UNC5D: variants seen among roughly 807,000 people sequenced by gnomAD.
UNC5D encodes netrin receptor UNC5D.
UNC5D carries 39 observed loss-of-function variants against 105.4 expected under a neutral mutation model. The ratio of observed to expected loss-of-function variants is 0.37; its 90% CI spans 0.29 to 0.48. The LOEUF (loss-of-function observed/expected upper bound fraction) is 0.48, where lower values mean the gene tolerates loss of function less well. UNC5D is among the 20% of genes least tolerant of loss of function. UNC5D has a pLI of 0.98. For synonymous variants in UNC5D, 452 were observed against 450.4 expected (o/e 1.00, Z -0.04); for missense variants, 991 against 1,202.4 (o/e 0.82, Z 2.60).
chr8:35,569,050 TA>T (rs34277362), intron 3 of UNC5D, among the ~76,000 whole-genome samples: 43,958 of 118,718 alleles, frequency 0.37, 6,723 homozygotes, highest in South Asian at 0.4. Context: ...CAAGTAGGAC[TA>T]AAAAAAAAAA....
chr8:35,641,382 A>G (rs530697458), intron 4 of UNC5D, among the ~76,000 whole-genome samples: 49 of 150,668 alleles, frequency 3.3e-4, no homozygotes, highest in East Asian at 2.9e-3. Context: ...AAAAAAAAAA[A>G]AAAGAAAAAA....
intron 1 of UNC5D, among the ~76,000 whole-genome samples, chr8:35,442,908 A>T (rs867122813): frequency 0.13 from 13,190 of 101,940 alleles, 572 homozygotes; most frequent in African/African-American, 0.18. Flanking sequence ...TCTCTCTCAC[A>T]CACACACACA....
At chr8:35,447,009 C>T (rs189366629) in intron 1 of UNC5D, among the ~76,000 whole-genome samples, 120 of 152,148 alleles carry the variant, frequency 7.9e-4, no homozygotes, top group South Asian at 2.3e-3. Flanking sequence ...CTCCCATCAC[C>T]ACCACCACCA....
chr8:35,427,971 CA>C (rs1253308725), intron 1 of UNC5D, among the ~76,000 whole-genome samples: 1 of 152,084 alleles, frequency 6.6e-6, no homozygotes, highest in African/African-American at 2.4e-5. Context: ...AAACACTTTT[CA>C]ATAACAAAGT....
At chr8:35,288,749 G>T (rs893066097) in intron 1 of UNC5D, among the ~76,000 whole-genome samples, 1 of 152,124 alleles carries the variant, frequency 6.6e-6, no homozygotes, top group African/African-American at 2.4e-5. Context: ...GTTTTTATAT[G>T]CATGTAAAGG....
chr8:35,290,844 A>G (rs996891855), intron 1 of UNC5D, among the ~76,000 whole-genome samples: 3 of 151,246 alleles, frequency 2.0e-5, no homozygotes, highest in Admixed American at 1.3e-4. Flanking sequence ...GCTACTCAGG[A>G]GGCTGAGGCA....
Position 35,237,045 on chromosome 8 carries a change from C to T in UNC5D, c.103+1158C>T, listed in dbSNP as rs149645774. ...ACGATCACAAAAGAACCAATGTTAT[C>T]TCATTTTTATAAAAGCTTATGGCGT... On this transcript the variant is annotated intron_variant, in intron 1 of 16. Transcript: ENST00000404895. 2.7e-3 allele frequency among the ~76,000 whole-genome samples: 405 copies of T among 152,196 alleles called. 1 individual carries two copies. Among genetic ancestry groups the T allele is most frequent in the Middle Eastern group, 0.01 (3 of 294 alleles).
intron 14 of UNC5D, among the ~76,000 whole-genome samples, chr8:35,766,297 C>T (rs1801761818): frequency 2.0e-5 from 3 of 151,888 alleles, no homozygotes; most frequent in Non-Finnish European, 4.4e-5. Flanking sequence ...TGGGGTGGCC[C>T]TGTATGTGTC....
At chr8:35,647,787 G>A (rs781404085) in intron 4 of UNC5D, among the ~76,000 whole-genome samples, 22 of 152,078 alleles carry the variant, frequency 1.4e-4, no homozygotes, top group Admixed American at 2.6e-4. Flanking sequence ...GTGGTTTTGG[G>A]CTTCTTTTAT....
chr8:35,253,665 T>A (rs960975965), intron 1 of UNC5D, among the ~76,000 whole-genome samples: 3 of 151,822 alleles, frequency 2.0e-5, no homozygotes, highest in East Asian at 1.9e-4. Flanking sequence ...TTTTTGTATT[T>A]TTTTTAGTAG....
chr8:35,687,229 G>T (rs113527322), intron 7 of UNC5D, among the ~76,000 whole-genome samples: 3 of 152,152 alleles, frequency 2.0e-5, no homozygotes, highest in African/African-American at 7.2e-5. Flanking sequence ...GGATCGCGAG[G>T]TCAGGAGATC....
In UNC5D at chr8:35,726,337, G is replaced by A. The variant is rs1411633498; in HGVS notation, c.1489G>A (p.Glu497Lys). 5.6e-6 allele frequency: 9 copies of A among 1,613,972 alleles called. No homozygotes were observed. Among genetic ancestry groups the A allele is most frequent in the Non-Finnish European group, 7.6e-6 (9 of 1,180,024 alleles). The change falls in exon 10 of 17, where the codon GAG becomes AAG. Residue 497 changes from glutamate to lysine, a missense_variant. Physicochemically the swap from Glu to Lys is moderately conservative, Grantham distance 56. Coordinates refer to ENST00000404895, the MANE Select transcript of UNC5D (RefSeq NM_080872.4). ...GTTCATGGTTTCCCTGGGAGTGTCT[G>A]AGAGAGCTGAGTACCACGGCAAGAA... ...SSFMVSLGVS[E>K]RAEYHGKNHS...
chr8:35,740,291 T>C (rs1051617465), intron 11 of UNC5D, among the ~76,000 whole-genome samples: 1 of 152,186 alleles, frequency 6.6e-6, no homozygotes, highest in Admixed American at 6.5e-5. Flanking sequence ...TCCAAGTTTA[T>C]CTAATGTACG....
chr8:35,330,365 T>G (rs1411195792), intron 1 of UNC5D, among the ~76,000 whole-genome samples: 4 of 152,208 alleles, frequency 2.6e-5, no homozygotes, highest in African/African-American at 9.6e-5. Context: ...CATATCACCT[T>G]TCCAGACTCC....
intron 1 of UNC5D, among the ~76,000 whole-genome samples, chr8:35,533,305 C>T (rs538573453): frequency 3.7e-3 from 562 of 152,072 alleles, no homozygotes; most frequent in Non-Finnish European, 6.0e-3. Context: ...AATACCCTGC[C>T]GTGTGAGGGG....
chr8:35,258,528 A>G (rs751013415), intron 1 of UNC5D, among the ~76,000 whole-genome samples: 30 of 152,200 alleles, frequency 2.0e-4, no homozygotes, highest in Non-Finnish European at 3.2e-4. Context: ...CCGTCTCCTC[A>G]TCTGTAAAAT....
intron 1 of UNC5D, among the ~76,000 whole-genome samples, chr8:35,298,686 G>A (rs570187257): frequency 6.7e-6 from 1 of 148,678 alleles, no homozygotes; most frequent in Non-Finnish European, 1.5e-5. Flanking sequence ...TTCAATAGCA[G>A]TAGAGTTGCA....
In UNC5D at chr8:35,564,290, G is replaced by A. The variant is rs182027421; in HGVS notation, c.323-3808G>A. On this transcript the variant is annotated intron_variant, in intron 2 of 16. Transcript: ENST00000404895. ...GCTTAAACACATTTCTTACCTTAAA[G>A]GTTATTGAATGCTTCTTTGGTGAGA... 3.3e-5 allele frequency among the ~76,000 whole-genome samples: 5 copies of A among 152,176 alleles called. No homozygotes were observed. The East Asian group carries it at 9.6e-4, about 29-fold the overall frequency.
chr8:35,404,940 A>G (rs1804707762), intron 1 of UNC5D, among the ~76,000 whole-genome samples: 2 of 152,194 alleles, frequency 1.3e-5, no homozygotes, highest in African/African-American at 4.8e-5. Context: ...GGTCTGTACT[A>G]AGAATGGCTA....
Sources: gnomAD v4.1 joint callset for allele counts (sites outside exome capture counted in the v4.1 genomes callset) on GRCh38, gnomAD v4.1.1 for gene constraint, MANE v1.5 for transcripts, NCBI Gene and HGNC (gene_info 2026-07-23, HGNC 2026-07-21) for gene names.